Variants in ACAD11 observed in about 807,000 individuals in gnomAD.
ACAD11 encodes the protein acyl-Coenzyme A dehydrogenase family, member 11.
ACAD11 carries 83 observed loss-of-function variants against 102.2 expected under a neutral mutation model. That is an observed-to-expected ratio of 0.81 (90% CI 0.68 to 0.97). ACAD11 has a LOEUF of 0.97. ACAD11 is among the 50% of genes least tolerant of loss of function. ACAD11 has a pLI of 0.00. For synonymous variants in ACAD11, 324 were observed against 319.8 expected, an observed-to-expected ratio of 1.01 and a Z score of -0.14; for missense variants, 901 against 951.7, an observed-to-expected ratio of 0.95 and a Z score of 0.70.
chr3:132,576,995 A>G lies in ACAD11; in HGVS notation c.1795T>C (p.Phe599Leu). 1.2e-6 allele frequency: 2 copies of G among 1,607,858 alleles called. No individual in the cohort carries two copies. The highest frequency in any genetic ancestry group is 1.7e-4 in the Middle Eastern group (1 of 6,000). ...CGCACTTGATTAAAATGGATCTCAA[A>G]ATGTCCTCCATGAAAATTATCTATA... Reference protein sequence around the residue: ...GYTDNFHGGHFEIHFNQVRVP... With the variant: ...GYTDNFHGGHLEIHFNQVRVP... The change falls in exon 16 of 20, where the codon TTT (phenylalanine) becomes CTT (leucine). Residue 599 changes from phenylalanine (F) to leucine (L), a missense_variant. Phe to Leu is a conservative substitution (Grantham distance 22, BLOSUM62 0). Coordinates refer to ENST00000264990, the MANE Select transcript of ACAD11 (RefSeq NM_032169.5).
intron 2 of ACAD11, among the ~76,000 whole-genome samples, chr3:132,643,628 TG>T (rs1940605565): frequency 6.6e-6 from 1 of 151,388 alleles, no homozygotes; most frequent in Non-Finnish European, 1.5e-5. Context: ...TGGCAATAAC[TG>T]GAAGAGGAAA....
intron 13 of ACAD11, among the ~76,000 whole-genome samples, chr3:132,599,151 A>G (rs1356347696): frequency 1.3e-5 from 2 of 152,124 alleles, no homozygotes; most frequent in Non-Finnish European, 2.9e-5. Context: ...CGTCTCTATC[A>G]AAAATACAAA....
At chr3:132,589,775 T>C (rs1173448882) in intron 13 of ACAD11, among the ~76,000 whole-genome samples, 1 of 152,178 alleles carries the variant, frequency 6.6e-6, no homozygotes, top group Non-Finnish European at 1.5e-5. Flanking sequence ...GGTGAACTTG[T>C]GTCATTAGGG....
chr3:132,659,352 C>G, intron 1 of ACAD11: 1 of 502,500 alleles, frequency 2.0e-6, no homozygotes, highest in Non-Finnish European at 3.4e-6. Flanking sequence ...TAAATCCATC[C>G]TTTAACAAAG....
intron 8 of ACAD11, among the ~76,000 whole-genome samples, chr3:132,628,077 T>G (rs943553632): frequency 6.6e-6 from 1 of 152,198 alleles, no homozygotes; most frequent in Non-Finnish European, 1.5e-5. Flanking sequence ...AAAGAAACAC[T>G]TGAGAGTTTT....
Position 132,603,255 on chromosome 3 carries a change from AT to A in ACAD11, c.1594del (p.Ile532LeufsTer38). The A allele has an allele frequency of 6.2e-7, 1 of 1,614,066 alleles. No homozygotes were observed. The highest frequency in any genetic ancestry group is 8.5e-7 in the Non-Finnish European group (1 of 1,179,934). On this transcript the variant is annotated frameshift_variant, in exon 13 of 20. Transcript: ENST00000264990. LOFTEE classifies it high-confidence loss of function. ...ACTGCTCCACCATTTTTTGCCGTTA[AT>A]TACATAGCTATCTTCATCTCGTTGG... ...SIQRDEDSYVINGKKWWSSGA... is the reference protein window; with the variant it reads ...SIQRDEDSYVXNGKKWWSSGA...
At chr3:132,645,240 A>T (rs73002028) in intron 1 of ACAD11, among the ~76,000 whole-genome samples, 3,957 of 152,328 alleles carry the variant, frequency 0.026, 170 homozygotes, top group African/African-American at 0.09. Flanking sequence ...CAATCTGAGA[A>T]GAGATTGTTA....
chr3:132,605,362 G>T (rs1376378395), intron 11 of ACAD11, among the ~76,000 whole-genome samples, 157 bp from the exon 12 acceptor site: 2 of 152,180 alleles, frequency 1.3e-5, no homozygotes. Context: ...TATACTGACA[G>T]CATGTCATAA....
intron 9 of ACAD11, among the ~76,000 whole-genome samples, chr3:132,623,127 A>G (rs976462364): frequency 2.0e-5 from 3 of 152,224 alleles, no homozygotes; most frequent in Non-Finnish European, 4.4e-5. Context: ...CTCTCACTTT[A>G]TAATATTCAA....
In ACAD11 at chr3:132,641,145, T is replaced by C. The variant is rs182712611; in HGVS notation, c.537+827A>G. ...TCTCAAAAATGACCATAAGTTCCTG[T>C]GGGGAAGAACCTATTGTATATTTTT... On this transcript the variant is annotated intron_variant, in intron 4 of 19. Transcript: ENST00000264990. Among the ~76,000 whole-genome samples, 330 of 152,250 alleles carry C rather than the reference T, an allele frequency of 2.2e-3. 5 individuals carry two copies. The highest frequency in any genetic ancestry group is 6.0e-4 in the Non-Finnish European group (41 of 68,012).
At chr3:132,609,563 C>G (rs1186004777) in intron 11 of ACAD11, among the ~76,000 whole-genome samples, 1 of 152,064 alleles carries the variant, frequency 6.6e-6, no homozygotes, top group African/African-American at 2.4e-5. Context: ...CACATATACC[C>G]TCCCAAGATT....
chr3:132,589,737 G>A (rs558286733), intron 13 of ACAD11, among the ~76,000 whole-genome samples: 23 of 152,088 alleles, frequency 1.5e-4, no homozygotes, highest in African/African-American at 5.1e-4. Context: ...TTTAGGTTTG[G>A]GGGGTAAATG....
In ACAD11 at chr3:132,585,446, T is replaced by C. The variant is rs536586393; in HGVS notation, c.1622-5888A>G. Among the ~76,000 whole-genome samples, 286 of 152,348 alleles carry C rather than the reference T, an allele frequency of 1.9e-3. 1 individual carries two copies. The highest frequency in any genetic ancestry group is 6.6e-3 in the African/African-American group (275 of 41,582). On this transcript the variant is annotated intron_variant, in intron 13 of 19. Transcript: ENST00000264990. Reference sequence around the variant, plus strand: ...GACATAGGTATGGGCAAGGACTTCATGTCTAAAACACCAAAAGCAATGTCA... The same window carrying C: ...GACATAGGTATGGGCAAGGACTTCACGTCTAAAACACCAAAAGCAATGTCA...
intron 1 of ACAD11, among the ~76,000 whole-genome samples, chr3:132,646,818 T>C (rs1298351470): frequency 4.6e-5 from 7 of 152,228 alleles, no homozygotes; most frequent in Admixed American, 1.3e-4. Flanking sequence ...GAAAATATTA[T>C]GTTAAGTGAA....
Position 132,631,449 on chromosome 3 carries a change from G to C in ACAD11, c.733C>G (p.Leu245Val). The change falls in exon 6 of 20, where the codon CTG (leucine) becomes GTG (valine). Residue 245 changes from leucine (L) to valine (V), a missense_variant. Transcript: ENST00000264990. ...GACAAAGGATGACCAATGGTTGACAGCTCCCAATCCAGCACTGCTATAACT... is the reference window on the plus strand; with the variant it reads ...GACAAAGGATGACCAATGGTTGACACCTCCCAATCCAGCACTGCTATAACT... ...CRVIAVLDWE[L>V]STIGHPLSDL... is the part of the protein sequence containing the mutation. 6.5e-7 allele frequency: 1 copy of C among 1,545,700 alleles called. No homozygotes were observed. Among genetic ancestry groups the C allele is most frequent in the Non-Finnish European group, 8.8e-7 (1 of 1,142,826 alleles).
chr3:132,571,529 C>CT (rs1249662604), intron 17 of ACAD11, among the ~76,000 whole-genome samples: 1 of 151,964 alleles, frequency 6.6e-6, no homozygotes, highest in Non-Finnish European at 1.5e-5. Context: ...TCAATTTTTG[C>CT]TTTTTTTGTA....
chr3:132,659,427 C>T, intron 1 of ACAD11, 176 bp downstream of exon 1: 1 of 786,078 alleles, frequency 1.3e-6, no homozygotes, highest in Non-Finnish European at 1.9e-6. Context: ...AATTGGGAAG[C>T]CCCCAGCATC....
At chr3:132,611,485 AG>A (rs1292963266) in intron 11 of ACAD11, among the ~76,000 whole-genome samples, 1 of 152,182 alleles carries the variant, frequency 6.6e-6, no homozygotes, top group Non-Finnish European at 1.5e-5. Context: ...CCATCGTCTC[AG>A]CCCAAAATCT....
chr3:132,568,137 G>A (rs1002129768), intron 17 of ACAD11, among the ~76,000 whole-genome samples: 2 of 152,150 alleles, frequency 1.3e-5, no homozygotes, highest in African/African-American at 4.8e-5. Flanking sequence ...TGAGGCTGGA[G>A]AATCGCTTGA....
Sources: gnomAD v4.1 joint callset for allele counts (sites outside exome capture counted in the v4.1 genomes callset) on GRCh38, gnomAD v4.1.1 for gene constraint, MANE v1.5 for transcripts, NCBI Gene and HGNC (gene_info 2026-07-23, HGNC 2026-07-21) for gene names.